The following GAS7 variants were observed in gnomAD, a reference collection of about 807,000 sequenced individuals.
GAS7 encodes growth arrest-specific protein 7.
Under a neutral mutation model 71.1 loss-of-function variants are expected in GAS7, and 28 were observed. The ratio of observed to expected loss-of-function variants is 0.39; its 90% CI spans 0.29 to 0.54. The LOEUF (loss-of-function observed/expected upper bound fraction) is 0.54, where lower values mean the gene tolerates loss of function less well. Ranked by LOEUF, GAS7 falls within the 20% of genes least tolerant of loss-of-function variation. The pLI, the probability that GAS7 is intolerant of heterozygous loss-of-function variation, is 0.62. For missense variants in GAS7, 436 were observed against 627.8 expected, an observed-to-expected ratio of 0.69 and a Z score of 3.27; for synonymous variants, 258 against 245.8, an observed-to-expected ratio of 1.05 and a Z score of -0.46.
intron 1 of GAS7, among the ~76,000 whole-genome samples, chr17:10,111,421 TACTTG>T (rs2142066299): frequency 6.6e-6 from 1 of 152,126 alleles, no homozygotes; most frequent in Admixed American, 6.5e-5. Flanking sequence ...TAGTCTCAGC[TACTTG>T]GGAGGCTGAG....
intron 11 of GAS7, among the ~76,000 whole-genome samples, chr17:9,921,320 C>T (rs1280364755): frequency 2.0e-5 from 3 of 151,936 alleles, no homozygotes; most frequent in Admixed American, 2.0e-4. Context: ...CCACCCCTGG[C>T]TAGTTTTTGT....
intron 1 of GAS7, among the ~76,000 whole-genome samples, chr17:10,167,044 C>CTTTTTTTTTTGTTTTTT (rs2074299610): frequency 1.7e-5 from 1 of 58,806 alleles, no homozygotes; most frequent in Non-Finnish European, 2.9e-5. Flanking sequence ...TTCCATTTGT[C>CTTTTTTTTTTGTTTTTT]TTTTTTTTTT....
At chr17:10,012,775 G>C (rs1356898679) in intron 2 of GAS7, among the ~76,000 whole-genome samples, 1 of 152,092 alleles carries the variant, frequency 6.6e-6, no homozygotes, top group African/African-American at 2.4e-5. Flanking sequence ...ACTAAGTCAT[G>C]CAGGCTCCAC....
At chr17:10,053,829 G>A (rs1042209449) in intron 1 of GAS7, among the ~76,000 whole-genome samples, 3 of 152,210 alleles carry the variant, frequency 2.0e-5, no homozygotes, top group African/African-American at 4.8e-5. Context: ...AGAGGAGAAA[G>A]TGACAATAAG....
At chr17:10,123,861 G>A (rs911471593) in intron 1 of GAS7, among the ~76,000 whole-genome samples, 4 of 152,224 alleles carry the variant, frequency 2.6e-5, no homozygotes, top group African/African-American at 9.6e-5. Flanking sequence ...GCAGAGCCTG[G>A]AGACAGTGGT....
rs2067579497 is a variant in GAS7, at chr17:9,916,281, G to GGGCCA, written c.*942_*946dup. 1 of 233,176 alleles carries GGGCCA rather than the reference G, an allele frequency of 4.3e-6. No homozygotes were observed. Among genetic ancestry groups the GGGCCA allele is most frequent in the Non-Finnish European group, 8.5e-6 (1 of 118,064 alleles). 14.4% of individuals were successfully genotyped at this position (233,176 alleles called of 1,614,324 possible). Reference sequence around the variant, plus strand: ...TGTGGTGGGCGGCCCGGGAGAGTGGGGGCCAGGGCAGCCCAAAGGTGCACA... The same window carrying GGGCCA: ...TGTGGTGGGCGGCCCGGGAGAGTGGGGGCCAGGCCAGGGCAGCCCAAAGGTGCACA... On this transcript the variant is annotated 3_prime_UTR_variant, in exon 14 of 14. Coordinates refer to ENST00000432992, the MANE Select transcript of GAS7 (RefSeq NM_201433.2).
chr17:9,961,663 G>A (rs1019680612), intron 4 of GAS7, among the ~76,000 whole-genome samples: 2 of 152,210 alleles, frequency 1.3e-5, no homozygotes, highest in South Asian at 2.1e-4. Flanking sequence ...TGCTTATTAC[G>A]GCAGGCTCCA....
At chr17:10,143,925 T>C (rs143903523) in intron 1 of GAS7, among the ~76,000 whole-genome samples, 189 of 152,068 alleles carry the variant, frequency 1.2e-3, no homozygotes, top group African/African-American at 4.2e-3. Context: ...TGCTGGAAAA[T>C]GGAAGTGACA....
intron 1 of GAS7, among the ~76,000 whole-genome samples, chr17:10,045,187 T>C (rs1301866901): frequency 6.6e-6 from 1 of 151,756 alleles, no homozygotes; most frequent in African/African-American, 2.4e-5. Context: ...CAAGGACCTA[T>C]GAGCATAGGA....
intron 4 of GAS7, among the ~76,000 whole-genome samples, chr17:9,962,239 TACACAC>T (rs58521200): frequency 1.9e-4 from 28 of 148,736 alleles, no homozygotes; most frequent in East Asian, 6.0e-4. Context: ...GTGCATTTTA[TACACAC>T]ACACACACAC....
intron 1 of GAS7, among the ~76,000 whole-genome samples, chr17:10,049,060 G>A (rs1174044152): frequency 6.6e-6 from 1 of 152,196 alleles, no homozygotes; most frequent in Non-Finnish European, 1.5e-5. Flanking sequence ...ACGCATAACT[G>A]ATGTTCCCTT....
intron 5 of GAS7, among the ~76,000 whole-genome samples, chr17:9,949,026 G>A (rs1251530050): frequency 2.0e-5 from 3 of 152,192 alleles, no homozygotes; most frequent in African/African-American, 7.2e-5. Context: ...TAGGCGGGGT[G>A]TGCAAGCCAG....
intron 1 of GAS7, among the ~76,000 whole-genome samples, chr17:10,159,269 T>C (rs182145072): frequency 6.6e-6 from 1 of 151,332 alleles, no homozygotes; most frequent in Non-Finnish European, 1.5e-5. Context: ...AGTAAACATA[T>C]GATACACATA....
chr17:10,118,762 G>C (rs903122365), intron 1 of GAS7, among the ~76,000 whole-genome samples: 1 of 149,120 alleles, frequency 6.7e-6, no homozygotes, highest in Non-Finnish European at 1.5e-5. Flanking sequence ...TAACTTATCA[G>C]GGGGGTGGTC....
chr17:10,058,041 T>G (rs1403200326), intron 1 of GAS7, among the ~76,000 whole-genome samples: 1 of 152,204 alleles, frequency 6.6e-6, no homozygotes, highest in Non-Finnish European at 1.5e-5. Context: ...AACAGATGCT[T>G]GAAGGCAGCA....
At chr17:9,990,908 C>G (rs2070818040) in intron 2 of GAS7, among the ~76,000 whole-genome samples, 1 of 152,162 alleles carries the variant, frequency 6.6e-6, no homozygotes, top group Non-Finnish European at 1.5e-5. Context: ...ATCTTACAGA[C>G]AGATGTTCAA....
intron 1 of GAS7, among the ~76,000 whole-genome samples, chr17:10,050,455 C>G (rs2073047243): frequency 6.6e-6 from 1 of 152,132 alleles, no homozygotes; most frequent in Non-Finnish European, 1.5e-5. Context: ...CCGAGTCTCC[C>G]CAGTACCCAC....
In GAS7 at chr17:10,089,291, G is replaced by C. The variant is rs78030088; in HGVS notation, c.184-69394C>G. On this transcript the variant is annotated intron_variant, in intron 1 of 13. Coordinates refer to ENST00000432992, the MANE Select transcript of GAS7 (RefSeq NM_201433.2). The stretch of plus-strand genomic sequence containing the variant: ...AAAATAACAGTAGAAAAAAAGATAA[G>C]GTCAGGGTGAACTGGAGACCTCTTC... Among the ~76,000 whole-genome samples the C allele has an allele frequency of 6.6e-5, 10 of 152,304 alleles. No individual in the cohort carries two copies. In the East Asian group the frequency reaches 1.7e-3, roughly 26 times the overall value.
At chr17:10,112,280 C>T (rs2073820930) in intron 1 of GAS7, among the ~76,000 whole-genome samples, 2 of 152,138 alleles carry the variant, frequency 1.3e-5, no homozygotes, top group South Asian at 2.1e-4. Context: ...TGTTTGCCCA[C>T]GTGTGGGGCT....
Sources: gnomAD v4.1 joint callset for allele counts (sites outside exome capture counted in the v4.1 genomes callset) on GRCh38, gnomAD v4.1.1 for gene constraint, MANE v1.5 for transcripts, NCBI Gene and HGNC (gene_info 2026-07-23, HGNC 2026-07-21) for gene names.